SEMA5A: variants seen among roughly 807,000 people sequenced by gnomAD.
The protein encoded by SEMA5A is semaphorin-5A.
Under a neutral mutation model 135.5 loss-of-function variants are expected in SEMA5A, and 55 were observed. The ratio of observed to expected loss-of-function variants is 0.41; its 90% CI spans 0.33 to 0.51. The LOEUF (loss-of-function observed/expected upper bound fraction) is 0.51, where lower values mean the gene tolerates loss of function less well. Ranked by LOEUF, SEMA5A falls within the 20% of genes least tolerant of loss-of-function variation. SEMA5A has a pLI of 0.37. For missense variants in SEMA5A, 1,290 were observed against 1,419.9 expected, an observed-to-expected ratio of 0.91 and a Z score of 1.47; for synonymous variants, 580 against 546.5, an observed-to-expected ratio of 1.06 and a Z score of -0.85.
At chr5:9,106,349 A>G (rs544462964) in intron 16 of SEMA5A, among the ~76,000 whole-genome samples, 3 of 152,366 alleles carry the variant, frequency 2.0e-5, no homozygotes, top group East Asian at 3.9e-4. Context: ...TACATTTATC[A>G]TCAGATGGAT....
At chr5:9,294,332 T>C (rs1751228430) in intron 5 of SEMA5A, among the ~76,000 whole-genome samples, 1 of 152,140 alleles carries the variant, frequency 6.6e-6, no homozygotes, top group African/African-American at 2.4e-5. Flanking sequence ...CACACAACCA[T>C]GGGCCACTTT....
chr5:9,290,832 C>T (rs1279122516), intron 5 of SEMA5A, among the ~76,000 whole-genome samples: 1 of 152,070 alleles, frequency 6.6e-6, no homozygotes, highest in Non-Finnish European at 1.5e-5. Flanking sequence ...GGTTCTTTCC[C>T]ACCTCATTTC....
chr5:9,245,590 A>T (rs1292177431), intron 5 of SEMA5A, among the ~76,000 whole-genome samples: 6 of 152,178 alleles, frequency 3.9e-5, no homozygotes, highest in Non-Finnish European at 2.9e-5. Flanking sequence ...GTAAATTGGC[A>T]GTACAAATTG....
intron 1 of SEMA5A, chr5:9,522,880 G>C (rs1363903224): frequency 6.6e-6 from 1 of 152,144 alleles, no homozygotes; most frequent in African/African-American, 2.4e-5. Flanking sequence ...AGATAGACGT[G>C]GCTTCCCTTC....
intron 5 of SEMA5A, among the ~76,000 whole-genome samples, chr5:9,273,529 C>A (rs1750098082): frequency 6.6e-6 from 1 of 151,994 alleles, no homozygotes; most frequent in South Asian, 2.1e-4. Flanking sequence ...CCCCAAGACA[C>A]ATAAATGTCA....
At chr5:9,164,120 T>TAC (rs1743464264) in intron 11 of SEMA5A, among the ~76,000 whole-genome samples, 1 of 114,224 alleles carries the variant, frequency 8.8e-6, no homozygotes, top group African/African-American at 4.0e-5. Context: ...TAATTATAAA[T>TAC]ATATCATATA....
chr5:9,402,486 TAAG>T (rs1414662515), intron 2 of SEMA5A, among the ~76,000 whole-genome samples: 1 of 144,216 alleles, frequency 6.9e-6, no homozygotes, highest in South Asian at 2.2e-4. Flanking sequence ...TTTCTTCTTC[TAAG>T]AAGTACCATC....
intron 16 of SEMA5A, among the ~76,000 whole-genome samples, chr5:9,084,392 C>T (rs994787772): frequency 3.9e-5 from 6 of 152,180 alleles, no homozygotes; most frequent in African/African-American, 1.4e-4. Context: ...GCTGTGTCCC[C>T]ACCCAAATCT....
Position 9,108,247 on chromosome 5 carries a change from A to G in SEMA5A, c.1966T>C (p.Trp656Arg). The G allele has an allele frequency of 6.2e-7, 1 of 1,614,188 alleles. No individual in the cohort carries two copies. ...CGTTCCCAAGGACCCCAGCCTGTCC[A>G]GAACATGTGTGGGGGACATAGCAAA... ...EHLLCPPHMFWTGWGPWERCT... is the reference protein window; with the variant it reads ...EHLLCPPHMFRTGWGPWERCT... The change falls in exon 16 of 23, where the codon TGG (tryptophan) becomes CGG (arginine). Residue 656 changes from tryptophan to arginine, a missense_variant. Coordinates refer to ENST00000382496, the MANE Select transcript of SEMA5A (RefSeq NM_003966.3).
chr5:9,408,071 C>T, intron 2 of SEMA5A, among the ~76,000 whole-genome samples: 1 of 151,890 alleles, frequency 6.6e-6, no homozygotes, highest in East Asian at 1.9e-4. Context: ...ACCACCACAC[C>T]ACACCACAAT....
rs149803731 is a variant in SEMA5A, at chr5:9,154,492, G to A, written c.1477C>T (p.Arg493Cys). ...CTGACCCCGGAGATGCCCTACCTGC[G>A]TGTGCGGTAGAACTGGCACCTCTTC... ...PLKRCQFYRT[R>C]STCIGAQDPY... Residue 493 changes from arginine (R) to cysteine (C), a missense_variant, in exon 12 of 23, where the codon CGC (arginine) becomes TGC (cysteine). Arg to Cys is a radical substitution (Grantham distance 180). Coordinates refer to ENST00000382496, the MANE Select transcript of SEMA5A (RefSeq NM_003966.3). 118 of 1,611,670 alleles carry A rather than the reference G, an allele frequency of 7.3e-5. No homozygotes were observed. The highest frequency in any genetic ancestry group is 9.6e-5 in the Non-Finnish European group (113 of 1,179,804).
At chr5:9,177,986 C>T (rs1459569091) in intron 11 of SEMA5A, among the ~76,000 whole-genome samples, 1 of 152,154 alleles carries the variant, frequency 6.6e-6, no homozygotes, top group African/African-American at 2.4e-5. Context: ...ATTTACATGA[C>T]AGTACATCAG....
intron 16 of SEMA5A, among the ~76,000 whole-genome samples, chr5:9,096,175 C>T (rs574029884): frequency 1.3e-5 from 2 of 152,294 alleles, no homozygotes; most frequent in African/African-American, 4.8e-5. Context: ...CACTTGTTAT[C>T]TCCTGTCTTT....
At chr5:9,108,477 A>C (rs1438423751) in intron 15 of SEMA5A, among the ~76,000 whole-genome samples, 190 bp from the exon 16 acceptor site, 1 of 152,208 alleles carries the variant, frequency 6.6e-6, no homozygotes, top group Non-Finnish European at 1.5e-5. Context: ...GTGTGCACAG[A>C]CAATGGGATG....
chr5:9,130,469 A>T (rs1043878305), intron 13 of SEMA5A, among the ~76,000 whole-genome samples: 11 of 152,204 alleles, frequency 7.2e-5, no homozygotes, highest in Admixed American at 7.2e-4. Flanking sequence ...CAGGAAATGC[A>T]GTGCCTCCAA....
In SEMA5A at chr5:9,436,615, CAA is replaced by C. The variant is rs1758041286; in HGVS notation, c.-78+1139_-78+1140del. Reference sequence around the variant, plus strand: ...AAATCTCTGGATTATCTAAAATCAGCAAAGTGTTTTGTGAATGGGGAAAAAAT... The same window carrying C: ...AAATCTCTGGATTATCTAAAATCAGCAGTGTTTTGTGAATGGGGAAAAAAT... On this transcript the variant is annotated intron_variant, in intron 2 of 22. Transcript: ENST00000382496. Among the ~76,000 whole-genome samples the C allele has an allele frequency of 2.0e-5, 3 of 152,258 alleles. No individual in the cohort carries two copies. In the South Asian group the frequency reaches 6.2e-4, roughly 32 times the overall value.
chr5:9,343,801 T>C (rs1205725), intron 3 of SEMA5A, among the ~76,000 whole-genome samples: 104,118 of 151,978 alleles, frequency 0.69, 36,105 homozygotes, highest in South Asian at 0.76. Context: ...CCTTTGCAGT[T>C]TGCGTTACCA....
intron 1 of SEMA5A, among the ~76,000 whole-genome samples, chr5:9,502,168 C>T (rs1735631567): frequency 6.6e-6 from 1 of 152,112 alleles, no homozygotes; most frequent in Non-Finnish European, 1.5e-5. Flanking sequence ...AGGTTAAGAA[C>T]TGAGGAAACA....
rs187047265 is a variant in SEMA5A, at chr5:9,150,661, C to T, written c.1481+3827G>A. Among the ~76,000 whole-genome samples the T allele has an allele frequency of 2.9e-3, 447 of 152,306 alleles. 7 individuals carry two copies. Among genetic ancestry groups the T allele is most frequent in the East Asian group, 0.019 (101 of 5,180 alleles). On this transcript the variant is annotated intron_variant, in intron 12 of 22. Transcript: ENST00000382496. ...GTGTTCTCTCACCACTCCCAACCCC[C>T]GCCGCCTGAGGTCCCAGGATCTCCT...
Sources: gnomAD v4.1 joint callset for allele counts (sites outside exome capture counted in the v4.1 genomes callset) on GRCh38, gnomAD v4.1.1 for gene constraint, MANE v1.5 for transcripts, NCBI Gene and HGNC (gene_info 2026-07-23, HGNC 2026-07-21) for gene names.